EEF1AKMT1: variants seen among roughly 807,000 people sequenced by gnomAD.
The protein encoded by EEF1AKMT1 is N-6 adenine-specific DNA methyltransferase 2 (putative).
Under a neutral mutation model 21.0 loss-of-function variants are expected in EEF1AKMT1, and 18 were observed. The ratio of observed to expected loss-of-function variants is 0.86; its 90% CI spans 0.59 to 1.27. The LOEUF (loss-of-function observed/expected upper bound fraction) is 1.27, where lower values mean the gene tolerates loss of function less well. Among genes scored for constraint, EEF1AKMT1 ranks in the 50% most tolerant of loss-of-function variants. The pLI is 0.00. For synonymous variants in EEF1AKMT1, 109 were observed against 94.8 expected, an observed-to-expected ratio of 1.15 and a Z score of -0.87; for missense variants, 246 against 258.6, an observed-to-expected ratio of 0.95 and a Z score of 0.33.
rs748023597 is a variant in EEF1AKMT1, at chr13:20,729,116, A to G, written c.609T>C (p.Tyr203=). ...AGTCCAGCCCAGAATCATAATTCAC[A>G]TAACAGCGAAACTCATTTGCCAAGT... is the stretch of plus-strand genomic sequence containing the variant. ...TRNLANEFRC[Y]VNYDSGLDCG... Residue 203 remains tyrosine, a synonymous_variant, in exon 5 of 5, where the codon TAT becomes TAC. Transcript: ENST00000382758. 19 of 1,614,236 alleles carry G rather than the reference A, an allele frequency of 1.2e-5. 1 individual carries two copies. In the South Asian group the frequency reaches 1.5e-4, roughly 13 times the overall value.
At chr13:20,767,166 C>T (rs7981417) in intron 1 of EEF1AKMT1, among the ~76,000 whole-genome samples, 36,943 of 150,944 alleles carry the variant, frequency 0.24, 6,000 homozygotes, top group East Asian at 0.76. Context: ...ATTAGCCGGG[C>T]GTTGTGGCAA....
chr13:20,736,768 C>T (rs2058828733), intron 3 of EEF1AKMT1, among the ~76,000 whole-genome samples: 1 of 111,138 alleles, frequency 9.0e-6, no homozygotes. Flanking sequence ...GACAGAGTCT[C>T]ACTCTGTCTC....
chr13:20,770,336 T>C (rs2059056571), intron 1 of EEF1AKMT1, among the ~76,000 whole-genome samples: 1 of 152,102 alleles, frequency 6.6e-6, no homozygotes, highest in Admixed American at 6.5e-5. Flanking sequence ...GGGTGTACTG[T>C]TCAGTTTTAT....
chr13:20,738,930 G>T (rs1201374983), intron 2 of EEF1AKMT1, among the ~76,000 whole-genome samples: 1 of 152,174 alleles, frequency 6.6e-6, no homozygotes, highest in East Asian at 1.9e-4. Context: ...GGAATTGGTG[G>T]GTTCTTGGTC....
At chr13:20,740,372 C>T (rs1232494874) in intron 2 of EEF1AKMT1, among the ~76,000 whole-genome samples, 1 of 152,278 alleles carries the variant, frequency 6.6e-6, no homozygotes, top group Admixed American at 6.5e-5. Context: ...CAGAGAGGGG[C>T]TCCCACAGTG....
At chr13:20,738,878 C>G (rs181211655) in intron 2 of EEF1AKMT1, among the ~76,000 whole-genome samples, 2 of 151,776 alleles carry the variant, frequency 1.3e-5, no homozygotes, top group Admixed American at 6.5e-5. Flanking sequence ...TTAGACGCAA[C>G]GAAAATGTTC....
chr13:20,748,715 G>GGTTTTTTTTT lies in EEF1AKMT1; in HGVS notation c.144+8739_144+8740insAAAAAAAAAC, dbSNP rs1555326495. Among the ~76,000 whole-genome samples the GGTTTTTTTTT allele has an allele frequency of 1.9e-3, 197 of 105,798 alleles. 5 individuals are homozygous for GGTTTTTTTTT. Among genetic ancestry groups the GGTTTTTTTTT allele is most frequent in the African/African-American group, 3.0e-3 (82 of 27,152 alleles). The allele number at this position is 105,798 out of a possible 152,430, so 69.4% of individuals were successfully genotyped here. A position where few individuals can be genotyped will look rare whatever the true frequency, so the allele number is the denominator to read the frequency against. ...TTCTTCACCCTCCTAATGTATAGTT[G>GGTTTTTTTTT]TTTTTTTTTGGTTTTTTTTTTTTTT... On this transcript the variant is annotated intron_variant, in intron 2 of 4. Coordinates refer to ENST00000382758, the MANE Select transcript of EEF1AKMT1 (RefSeq NM_001318939.2).
chr13:20,754,308 C>T (rs997028210), intron 2 of EEF1AKMT1, among the ~76,000 whole-genome samples: 2 of 151,740 alleles, frequency 1.3e-5, no homozygotes, highest in Non-Finnish European at 1.5e-5. Context: ...TATATCACCC[C>T]ATTCCCTCCT....
chr13:20,760,348 T>C (rs2141434052), intron 1 of EEF1AKMT1, among the ~76,000 whole-genome samples: 1 of 152,194 alleles, frequency 6.6e-6, no homozygotes, highest in Admixed American at 6.5e-5. Flanking sequence ...CATGGAATAG[T>C]ACACAGCCAT....
rs146141280 is a variant in EEF1AKMT1, at chr13:20,737,543, A to T, written c.227+180T>A. Reference sequence around the variant, plus strand: ...AGAGATAAGACATTCCACAATGAATAGGTTTCTGAGTGGGTCTCTAAACTC... The same window carrying T: ...AGAGATAAGACATTCCACAATGAATTGGTTTCTGAGTGGGTCTCTAAACTC... On this transcript the variant is annotated intron_variant, in intron 3 of 4. Coordinates refer to ENST00000382758, the MANE Select transcript of EEF1AKMT1 (RefSeq NM_001318939.2). Among the ~76,000 whole-genome samples, 138 of 152,366 alleles carry T rather than the reference A, an allele frequency of 9.1e-4. 2 individuals are homozygous for T. The East Asian group carries it at 0.023, about 26-fold the overall frequency.
At chr13:20,761,644 G>A (rs550229738) in intron 1 of EEF1AKMT1, among the ~76,000 whole-genome samples, 1 of 151,102 alleles carries the variant, frequency 6.6e-6, no homozygotes, top group South Asian at 2.1e-4. Flanking sequence ...TTTATTTCAT[G>A]ATGATACATT....
chr13:20,759,406 C>T (rs1032987769), intron 1 of EEF1AKMT1, among the ~76,000 whole-genome samples: 8 of 151,582 alleles, frequency 5.3e-5, no homozygotes, highest in Non-Finnish European at 1.0e-4. Flanking sequence ...AGTGAAACCC[C>T]GTCTCTACTA....
intron 3 of EEF1AKMT1, among the ~76,000 whole-genome samples, chr13:20,733,710 C>T (rs529686526): frequency 1.3e-5 from 2 of 152,306 alleles, no homozygotes; most frequent in East Asian, 3.9e-4. Context: ...GTGACCATGA[C>T]TGCCTCATGG....
intron 2 of EEF1AKMT1, among the ~76,000 whole-genome samples, chr13:20,749,306 C>A (rs1209644766): frequency 2.0e-5 from 3 of 152,182 alleles, no homozygotes; most frequent in Non-Finnish European, 4.4e-5. Flanking sequence ...CTGGAACACA[C>A]CATCCTCCTA....
chr13:20,744,398 C>T (rs1400315343), intron 2 of EEF1AKMT1, among the ~76,000 whole-genome samples: 1 of 152,142 alleles, frequency 6.6e-6, no homozygotes, highest in Non-Finnish European at 1.5e-5. Context: ...GATGGTATCT[C>T]GTTGTGGTTT....
intron 2 of EEF1AKMT1, among the ~76,000 whole-genome samples, chr13:20,752,428 G>A (rs567780765): frequency 2.0e-5 from 3 of 152,214 alleles, no homozygotes; most frequent in Admixed American, 2.0e-4. Context: ...CCTTCAGTCT[G>A]TTGATGTGGT....
At chr13:20,761,424 G>A (rs1041308066) in intron 1 of EEF1AKMT1, among the ~76,000 whole-genome samples, 6 of 152,148 alleles carry the variant, frequency 3.9e-5, no homozygotes, top group Non-Finnish European at 8.8e-5. Flanking sequence ...TTTTATTGCT[G>A]AGTAGTAATC....
chr13:20,757,342 A>G, intron 2 of EEF1AKMT1, 113 bp downstream of exon 2: 1 of 1,282,804 alleles, frequency 7.8e-7, no homozygotes, highest in Non-Finnish European at 1.1e-6. Context: ...TCAGATCCCA[A>G]ATGACAGGTG....
In EEF1AKMT1 at chr13:20,728,760, G is replaced by C; in HGVS notation, c.*320C>G. 1 of 351,192 alleles carries C rather than the reference G, an allele frequency of 2.8e-6. No homozygotes were observed. Among genetic ancestry groups the C allele is most frequent in the Non-Finnish European group, 5.4e-6 (1 of 186,142 alleles). 21.8% of individuals were successfully genotyped at this position (351,192 alleles called of 1,614,324 possible). On this transcript the variant is annotated 3_prime_UTR_variant, in exon 5 of 5. Coordinates refer to ENST00000382758, the MANE Select transcript of EEF1AKMT1 (RefSeq NM_001318939.2). Reference sequence around the variant, plus strand: ...GGCCCGAGGCAGAGGCCAAGGTCCTGTCTCATTCAGGAGCCCTTGGGCAAG... The same window carrying C: ...GGCCCGAGGCAGAGGCCAAGGTCCTCTCTCATTCAGGAGCCCTTGGGCAAG...
Sources: allele counts gnomAD v4.1 joint callset (sites outside exome capture counted in the v4.1 genomes callset), GRCh38; gene constraint gnomAD v4.1.1; transcripts MANE v1.5; gene names NCBI Gene and HGNC (gene_info 2026-07-23, HGNC 2026-07-21).